ALG12: variants seen among roughly 807,000 people sequenced by gnomAD.
ALG12 encodes the protein ALG12 alpha-1,6-mannosyltransferase.
In ALG12, 36 loss-of-function variants were observed where a neutral mutation model predicts 46.0. The ratio of observed to expected loss-of-function variants is 0.78; its 90% confidence interval spans 0.60 to 1.03. The LOEUF (loss-of-function observed/expected upper bound fraction) is 1.03. Among genes scored for constraint, ALG12 ranks in the 50% least tolerant of loss-of-function variants. The pLI is 0.00. For missense variants in ALG12, 599 were observed against 633.5 expected (o/e 0.95, Z 0.58); for synonymous variants, 326 against 291.6 (o/e 1.12, Z -1.20).
In ALG12 at chr22:49,903,457, C is replaced by T. The variant is rs1357380101; in HGVS notation, c.*381G>A. On this transcript the variant is annotated 3_prime_UTR_variant, in exon 10 of 10. Transcript: ENST00000330817. ...GCAAGCGTGGGGTGCTGCCAAAATA[C>T]AGCTCCCCCTGGGTGGGCAGGACAC... is the stretch of plus-strand genomic sequence containing the variant. 6 of 472,424 alleles carry T rather than the reference C, an allele frequency of 1.3e-5. No individual in the cohort carries two copies. Among genetic ancestry groups the T allele is most frequent in the Admixed American group, 1.2e-4 (5 of 42,916 alleles). 29.3% of individuals were successfully genotyped at this position (472,424 alleles called of 1,614,324 possible). A position where few individuals can be genotyped will look rare whatever the true frequency, so the allele number is the denominator to read the frequency against.
chr22:49,910,643 TGGA>T, intron 3 of ALG12, 36 bp from the exon 4 acceptor site: 1 of 1,613,636 alleles, frequency 6.2e-7, no homozygotes, highest in East Asian at 2.2e-5. Context: ...GAGCCTGCAG[TGGA>T]GGAGTATCCA....
chr22:49,867,870 G>A, the ALG12 span, among the ~76,000 whole-genome samples: 5 of 152,154 alleles, frequency 3.3e-5, no homozygotes, highest in Non-Finnish European at 7.3e-5. Flanking sequence ...CCCCTCAAAT[G>A]TGCTCAGACA....
the ALG12 span, among the ~76,000 whole-genome samples, chr22:49,866,781 A>G: frequency 6.6e-6 from 1 of 152,180 alleles, no homozygotes; most frequent in Non-Finnish European, 1.5e-5. Context: ...TGCTTTAACA[A>G]ATTACCACAA....
the ALG12 span, among the ~76,000 whole-genome samples, chr22:49,864,008 G>T: frequency 6.6e-6 from 1 of 152,166 alleles, no homozygotes; most frequent in African/African-American, 2.4e-5. Context: ...TGCTCATCTT[G>T]TATTTTTCCG....
At position 49,909,885 on chromosome 22, in the gene ALG12, C is replaced by G. The variant is rs9616368; in HGVS notation, c.664+9G>C. ...TCCAGTTAGAAGCATCCCACAGTGA[C>G]TGACTTACCTAAACAGAGGATCCCT... is the stretch of plus-strand genomic sequence containing the variant. On this transcript the variant is annotated intron_variant, in intron 5 of 9. Coordinates refer to ENST00000330817, the MANE Select transcript of ALG12 (RefSeq NM_024105.4). 0.21 allele frequency: 342,241 copies of G among 1,613,232 alleles called. 39,979 individuals are homozygous for G. The highest frequency in any genetic ancestry group is 0.41 in the South Asian group (37,227 of 91,052).
the ALG12 span, among the ~76,000 whole-genome samples, chr22:49,879,982 C>T: frequency 2.7e-5 from 4 of 150,902 alleles, no homozygotes; most frequent in Non-Finnish European, 4.4e-5. Flanking sequence ...GGTTTTCTCC[C>T]GCTTCATCGC....
chr22:49,861,110 A>T, the ALG12 span, among the ~76,000 whole-genome samples: 1 of 152,146 alleles, frequency 6.6e-6, no homozygotes, highest in South Asian at 2.1e-4. Flanking sequence ...ACGTCCTGTA[A>T]AAGTAAGCAA....
At chr22:49,869,387 C>T in the ALG12 span, among the ~76,000 whole-genome samples, 4 of 152,186 alleles carry the variant, frequency 2.6e-5, no homozygotes, top group African/African-American at 9.7e-5. Context: ...TGGCAGCGCT[C>T]GTCCTCCAGA....
At position 49,900,872 on chromosome 22, in the gene ALG12, AAGCT is replaced by A. The variant is rs2060501569; in HGVS notation, c.*2962_*2965del. 1 of 152,340 alleles carries A rather than the reference AAGCT, an allele frequency of 6.6e-6. No individual in the cohort carries two copies. The highest frequency in any genetic ancestry group is 2.4e-5 in the African/African-American group (1 of 41,460). The allele number at this position is 152,340 out of a possible 1,614,324, so 9.4% of individuals were successfully genotyped here. A position where few individuals can be genotyped will look rare whatever the true frequency, so the allele number is the denominator to read the frequency against. On this transcript the variant is annotated 3_prime_UTR_variant, in exon 10 of 10. Coordinates refer to ENST00000330817, the MANE Select transcript of ALG12 (RefSeq NM_024105.4). ...CTAGCCTGTCCACAGAAAGGGCCTA[AAGCT>A]CAGGCACCCCGTGGCATCGAGCACA...
At position 49,909,348 on chromosome 22, in the gene ALG12, C is replaced by T; in HGVS notation, c.665-1G>A. On this transcript the variant is annotated splice_acceptor_variant, in intron 5 of 9. Transcript: ENST00000330817. LOFTEE classifies it high-confidence loss of function. ...TAAGAGTCCACAGCAACCGTCAGTC[C>T]TGACAAAATAAAATAGAGTTTCTTA... The T allele has an allele frequency of 6.2e-7, 1 of 1,614,178 alleles. No homozygotes were observed. Among genetic ancestry groups the T allele is most frequent in the South Asian group, 1.1e-5 (1 of 91,082 alleles).
chr22:49,874,955 T>G, the ALG12 span, among the ~76,000 whole-genome samples: 3 of 152,122 alleles, frequency 2.0e-5, no homozygotes, highest in Admixed American at 2.0e-4. Context: ...AGTGTTGGGA[T>G]TACAGGTGTG....
chr22:49,871,709 G>A, the ALG12 span, among the ~76,000 whole-genome samples: 1,295 of 151,792 alleles, frequency 8.5e-3, 16 homozygotes, highest in South Asian at 0.068. Flanking sequence ...CAATCAGAGT[G>A]CAGATTGCTG....
the ALG12 span, chr22:49,884,404 G>A: frequency 6.2e-7 from 1 of 1,613,338 alleles, no homozygotes; most frequent in Non-Finnish European, 8.5e-7. Flanking sequence ...GTGCGGCAGA[G>A]AAGAAGCCCT....
chr22:49,884,677 G>T, the ALG12 span: 1 of 1,608,020 alleles, frequency 6.2e-7, no homozygotes, highest in South Asian at 1.1e-5. Context: ...CCGCGCCATC[G>T]TGTTGCAGGA....
At chr22:49,860,489 G>C in the ALG12 span, among the ~76,000 whole-genome samples, 9 of 152,244 alleles carry the variant, frequency 5.9e-5, no homozygotes, top group East Asian at 1.7e-3. Context: ...TAACTTTGCA[G>C]GTTTTTGTTG....
rs1445538588 is a variant in ALG12 at position 49,910,006 on chromosome 22, C to A, written c.552G>T (p.Arg184Ser). Reference protein sequence around the residue: ...WLSAFAIIVFRVELCLFLGLL... With the variant: ...WLSAFAIIVFSVELCLFLGLL... ...GGCCCAGGAACAGGCACAGCTCCAC[C>A]CTGAACACGATGATGGCGAAGGCTG... Residue 184 changes from arginine to serine, a missense_variant, in exon 5 of 10, where the codon AGG becomes AGT. Physicochemically the swap from Arg to Ser is moderately radical, Grantham distance 110. Transcript: ENST00000330817. The A allele has an allele frequency of 6.2e-7, 1 of 1,613,810 alleles. No individual in the cohort carries two copies. The highest frequency in any genetic ancestry group is 8.5e-7 in the Non-Finnish European group (1 of 1,180,000).
At chr22:49,887,866 T>C in the ALG12 span, 1 of 167,282 alleles carries the variant, frequency 6.0e-6, no homozygotes, top group Non-Finnish European at 1.5e-5. Flanking sequence ...CAGCTGTTTA[T>C]CATCAGCTCC....
At chr22:49,863,091 A>G in the ALG12 span, among the ~76,000 whole-genome samples, 2 of 152,154 alleles carry the variant, frequency 1.3e-5, no homozygotes, top group African/African-American at 4.8e-5. Context: ...GGACTCGTGC[A>G]TCTCACGGTC....
rs1293740201 is a variant in ALG12 at position 49,913,678 on chromosome 22, A to T, written c.88T>A (p.Tyr30Asn). Residue 30 changes from tyrosine to asparagine, a missense_variant, in exon 2 of 10, where the codon TAC (tyrosine) becomes AAC (asparagine). Coordinates refer to ENST00000330817, the MANE Select transcript of ALG12 (RefSeq NM_024105.4). ...VATVHLVICP[Y>N]TKVEESFNLQ... Reference sequence around the variant, plus strand: ...TTGAAGCTCTCCTCCACTTTGGTGTAGGGACAGATGACCAGGTGGACAGTG... The same window carrying T: ...TTGAAGCTCTCCTCCACTTTGGTGTTGGGACAGATGACCAGGTGGACAGTG... The T allele has an allele frequency of 6.2e-7, 1 of 1,614,130 alleles. No individual in the cohort carries two copies. Among genetic ancestry groups the T allele is most frequent in the African/African-American group, 1.3e-5 (1 of 75,054 alleles).
Sources: gnomAD v4.1 joint callset for allele counts (sites outside exome capture counted in the v4.1 genomes callset) on GRCh38, gnomAD v4.1.1 for gene constraint, MANE v1.5 for transcripts, NCBI Gene and HGNC (gene_info 2026-07-23, HGNC 2026-07-21) for gene names.